The following RBPJ variants were observed in gnomAD, a reference collection of about 807,000 sequenced individuals.
The protein encoded by RBPJ is recombination signal binding protein for immunoglobulin kappa J region, also known as recombining binding protein suppressor of hairless.
A neutral mutation model predicts 67.8 loss-of-function variants in RBPJ; 9 were observed. That is an observed-to-expected ratio of 0.13 (90% confidence interval 0.08 to 0.23). RBPJ has a LOEUF of 0.23. RBPJ is among the 10% of genes least tolerant of loss of function. The pLI, the probability that RBPJ is intolerant of heterozygous loss-of-function variation, is 1.00. For synonymous variants in RBPJ, 198 were observed against 203.3 expected (o/e 0.97, Z 0.22); for missense variants, 305 against 595.6 (o/e 0.51, Z 5.08).
At position 26,170,351 on chromosome 4, in the gene RBPJ, C is replaced by T. The variant is rs188809084; in HGVS notation, c.-167+6737C>T. On this transcript the variant is annotated intron_variant, in intron 1 of 4. Coordinates refer to the RBPJ transcript ENST00000512351. ...AGGCCAGAAATTTGATACCAGCCTG[C>T]GCAACATGGCAAAACTCTGTCTCTA... 9.7e-3 allele frequency among the ~76,000 whole-genome samples: 1,469 copies of T among 152,008 alleles called. 11 individuals carry two copies. Among genetic ancestry groups the T allele is most frequent in the Non-Finnish European group, 0.014 (922 of 67,976 alleles).
chr4:26,413,509 G>A (rs1441966369), intron 3 of RBPJ, among the ~76,000 whole-genome samples: 1 of 151,982 alleles, frequency 6.6e-6, no homozygotes, highest in African/African-American at 2.4e-5. Flanking sequence ...TATTTTTACT[G>A]CTATATCCCC....
intron 1 of RBPJ, among the ~76,000 whole-genome samples, chr4:26,299,518 C>G (rs1721999223): frequency 6.6e-6 from 1 of 152,038 alleles, no homozygotes. Context: ...GGCTGTTTTC[C>G]TCTTAATCAT....
At chr4:26,404,324 G>A (rs1031154289) in intron 2 of RBPJ, among the ~76,000 whole-genome samples, 2 of 152,064 alleles carry the variant, frequency 1.3e-5, no homozygotes, top group African/African-American at 4.8e-5. Flanking sequence ...CTCCCATTCT[G>A]TAGGTTGTCT....
At chr4:26,270,938 A>C (rs949126443) in intron 1 of RBPJ, among the ~76,000 whole-genome samples, 1 of 152,118 alleles carries the variant, frequency 6.6e-6, no homozygotes, top group Non-Finnish European at 1.5e-5. Flanking sequence ...ATGGTTCGAA[A>C]ATAGGTGAGT....
chr4:26,124,693 C>T, the RBPJ span, among the ~76,000 whole-genome samples: 4 of 151,842 alleles, frequency 2.6e-5, no homozygotes, highest in African/African-American at 9.7e-5. Context: ...TACTAGTTTA[C>T]AGTCCCACAA....
At chr4:26,402,624 T>A (rs1732955665) in intron 2 of RBPJ, among the ~76,000 whole-genome samples, 1 of 152,218 alleles carries the variant, frequency 6.6e-6, no homozygotes, top group Non-Finnish European at 1.5e-5. Context: ...ATTGCTCCCT[T>A]CTTTCGAGGT....
At chr4:26,174,328 C>G (rs1227493783) in intron 1 of RBPJ, among the ~76,000 whole-genome samples, 1 of 152,186 alleles carries the variant, frequency 6.6e-6, no homozygotes. Context: ...TGGTGACTGA[C>G]ACGGCGTAAA....
At chr4:26,253,468 C>G (rs893217953) in intron 1 of RBPJ, among the ~76,000 whole-genome samples, 1 of 149,900 alleles carries the variant, frequency 6.7e-6, no homozygotes, top group Non-Finnish European at 1.5e-5. Context: ...CCCGCCACTA[C>G]GCCCGGCTAA....
chr4:26,180,374 T>C (rs550333139), intron 1 of RBPJ, among the ~76,000 whole-genome samples: 49 of 151,382 alleles, frequency 3.2e-4, no homozygotes, highest in African/African-American at 1.1e-3. Flanking sequence ...CCTGAGGGCT[T>C]CTCTTTGTTG....
intron 1 of RBPJ, among the ~76,000 whole-genome samples, chr4:26,341,109 G>C (rs1008814882): frequency 3.9e-5 from 6 of 152,196 alleles, no homozygotes; most frequent in African/African-American, 1.4e-4. Context: ...CAAGATCTGT[G>C]TTGGTGGCAA....
At chr4:26,228,323 T>G (rs1248905549) in intron 1 of RBPJ, among the ~76,000 whole-genome samples, 1 of 152,222 alleles carries the variant, frequency 6.6e-6, no homozygotes, top group Non-Finnish European at 1.5e-5. Context: ...GGGTTATTCC[T>G]TTTAAAATAC....
At position 26,415,575 on chromosome 4, in the gene RBPJ, C is replaced by G; in HGVS notation, c.256C>G (p.Pro86Ala). Residue 86 changes from proline (P) to alanine (A), a missense_variant, in exon 4 of 11, where the codon CCG (proline) becomes GCG (alanine). By Grantham distance (27) the Pro-to-Ala change is conservative (BLOSUM62 -1). Coordinates refer to ENST00000355476, the MANE Select transcript of RBPJ (RefSeq NM_015874.6). ...RDGCSEQESQ[P>A]CAFIGIGNSD... The stretch of plus-strand genomic sequence containing the variant: ...TGGTTGTTCTGAACAAGAGTCTCAA[C>G]CGTGTGCATTTATTGGGATAGGAAA... The G allele has an allele frequency of 6.2e-7, 1 of 1,611,986 alleles. No individual in the cohort carries two copies. Among genetic ancestry groups the G allele is most frequent in the Non-Finnish European group, 8.5e-7 (1 of 1,179,358 alleles).
At chr4:26,234,885 G>T (rs1263370299) in intron 1 of RBPJ, among the ~76,000 whole-genome samples, 1 of 151,918 alleles carries the variant, frequency 6.6e-6, no homozygotes, top group Non-Finnish European at 1.5e-5. Context: ...TAGAGACGGG[G>T]TTTCACCATG....
chr4:26,126,462 A>G, the RBPJ span, among the ~76,000 whole-genome samples: 2 of 152,212 alleles, frequency 1.3e-5, no homozygotes, highest in African/African-American at 4.8e-5. Context: ...CATTTCTGGT[A>G]CGGCACAGGT....
intron 1 of RBPJ, among the ~76,000 whole-genome samples, chr4:26,223,910 C>T (rs552184657): frequency 4.6e-5 from 7 of 152,272 alleles, no homozygotes; most frequent in African/African-American, 1.2e-4. Flanking sequence ...TCTATAATTA[C>T]GGAACTCTAT....
Position 26,362,566 on chromosome 4 carries a change from G to T in RBPJ, c.21-23787G>T. The T allele has an allele frequency of 1.9e-6, 3 of 1,612,094 alleles. No homozygotes were observed. The South Asian group carries it at 3.3e-5, about 18-fold the overall frequency. The stretch of plus-strand genomic sequence containing the variant: ...TGGCTGAGGTGTTTTGAGGTGCATC[G>T]AAGTGTTCCAAGCTGTGACTTACCT... On this transcript the variant is annotated intron_variant, in intron 1 of 10. Coordinates refer to ENST00000355476, the MANE Select transcript of RBPJ (RefSeq NM_015874.6).
At chr4:26,120,714 CTTTTT>C in the RBPJ span, among the ~76,000 whole-genome samples, 6 of 83,032 alleles carry the variant, frequency 7.2e-5, no homozygotes, top group Non-Finnish European at 1.3e-4. Context: ...ATTTTCTCAA[CTTTTT>C]TTTTTTTTTT....
intron 1 of RBPJ, among the ~76,000 whole-genome samples, chr4:26,233,965 A>C (rs1345081401): frequency 1.3e-5 from 2 of 152,206 alleles, no homozygotes; most frequent in Non-Finnish European, 2.9e-5. Flanking sequence ...AGCTCATTGT[A>C]CAAAAAAAAA....
chr4:26,413,699 A>G (rs576138921), intron 3 of RBPJ, among the ~76,000 whole-genome samples: 1 of 152,318 alleles, frequency 6.6e-6, no homozygotes, highest in African/African-American at 2.4e-5. Context: ...AATATTGTAG[A>G]GGCTGAGGGG....
Sources: gnomAD v4.1 joint callset for allele counts (sites outside exome capture counted in the v4.1 genomes callset) on GRCh38, gnomAD v4.1.1 for gene constraint, MANE v1.5 for transcripts, NCBI Gene and HGNC (gene_info 2026-07-23, HGNC 2026-07-21) for gene names.